The following FRMPD4 variants were observed in gnomAD, a reference collection of about 807,000 sequenced individuals.
FRMPD4 encodes FERM and PDZ domain containing 4, also known as FERM and PDZ domain-containing protein 4.
FRMPD4 carries 22 observed loss-of-function variants against 94.1 expected under a neutral mutation model. The observed-to-expected ratio is 0.23, with a 90% CI of 0.17 to 0.33. The LOEUF (loss-of-function observed/expected upper bound fraction) is 0.33, where lower values mean the gene tolerates loss of function less well. Ranked by LOEUF, FRMPD4 falls within the 10% of genes least tolerant of loss-of-function variation. The probability of loss-of-function intolerance (pLI) is 1.00; values close to 1 mark genes in which losing one functional copy is unlikely to be tolerated. For missense variants in FRMPD4, 1,111 were observed against 1,339.9 expected (o/e 0.83, Z 2.67); for synonymous variants, 631 against 548.6 (o/e 1.15, Z -2.10).
At chrX:12,361,708 C>T (rs2147992138) in intron 1 of FRMPD4, among the ~76,000 whole-genome samples, 1 of 111,885 alleles carries the variant, frequency 8.9e-6, no homozygotes, top group African/African-American at 3.2e-5. Flanking sequence ...TATATTAGGG[C>T]TTCTGTAACA....
chrX:12,551,081 G>A (rs925932069), intron 2 of FRMPD4, among the ~76,000 whole-genome samples: 8 of 110,360 alleles, frequency 7.2e-5, no homozygotes, highest in Admixed American at 4.9e-4. Context: ...TGTTGTCTTA[G>A]TTTATCATGT....
chrX:12,083,234 C>A (rs7877393), intron 3 of FRMPD4, among the ~76,000 whole-genome samples: 5,559 of 112,552 alleles, frequency 0.049, 350 homozygotes, highest in African/African-American at 0.17. Flanking sequence ...TGGTGCCCTG[C>A]GTCCCAGCCA....
At chrX:11,924,074 T>G (rs1432708460) in intron 3 of FRMPD4, among the ~76,000 whole-genome samples, 1 of 112,087 alleles carries the variant, frequency 8.9e-6, no homozygotes, top group South Asian at 3.7e-4. Flanking sequence ...ATAGCCAGTA[T>G]AGAGGAGAAT....
At chrX:12,654,693 G>A (rs2059635093) in intron 4 of FRMPD4, among the ~76,000 whole-genome samples, 1 of 111,398 alleles carries the variant, frequency 9.0e-6, no homozygotes, top group African/African-American at 3.3e-5. Context: ...GGTAAAATGA[G>A]GCTAAGAATC....
Position 12,473,022 on chromosome X carries a change from A to G in FRMPD4, c.42-25658A>G, listed in dbSNP as rs1256073479. Among the ~76,000 whole-genome samples the G allele has an allele frequency of 4.5e-5, 5 of 109,994 alleles. 1 individual carries two copies. Among genetic ancestry groups the G allele is most frequent in the African/African-American group, 1.7e-4 (5 of 29,111 alleles). ...AAGACACATAATTGTCAGATTCACC[A>G]AAGTTGAAATGAAGGAAAAAATGTT... On this transcript the variant is annotated intron_variant, in intron 1 of 16. Coordinates refer to ENST00000675598, the MANE Select transcript of FRMPD4 (RefSeq NM_001368397.1).
At chrX:12,662,311 C>A (rs1340114072) in intron 4 of FRMPD4, among the ~76,000 whole-genome samples, 2 of 110,567 alleles carry the variant, frequency 1.8e-5, no homozygotes, top group Non-Finnish European at 1.9e-5. Flanking sequence ...ATCAACCCAT[C>A]GCCTATATTA....
At chrX:11,978,321 C>CAAAAAAAAAAAAAAAAAAAAAA (rs1172824155) in intron 3 of FRMPD4, among the ~76,000 whole-genome samples, 2 of 16,355 alleles carry the variant, frequency 1.2e-4, no homozygotes, top group African/African-American at 4.5e-4. Context: ...AACTCCATCT[C>CAAAAAAAAAAAAAAAAAAAAAA]AAAAAAAAAA....
chrX:11,975,144 G>A (rs756913343), intron 3 of FRMPD4, among the ~76,000 whole-genome samples: 2 of 111,968 alleles, frequency 1.8e-5, no homozygotes, highest in Non-Finnish European at 3.8e-5. Context: ...ATGACCCTGA[G>A]CATAAATCAT....
At chrX:12,133,927 G>C (rs2055575648), upstream of FRMPD4, among the ~76,000 whole-genome samples, 1 of 112,200 alleles carries the variant, frequency 8.9e-6, no homozygotes, top group East Asian at 2.8e-4. Flanking sequence ...CTGGCCTACT[G>C]TGCCCCATGT....
At chrX:12,132,580 G>A (rs752681402) in intron 3 of FRMPD4, among the ~76,000 whole-genome samples, 5 of 111,943 alleles carry the variant, frequency 4.5e-5, no homozygotes, top group East Asian at 5.6e-4. Flanking sequence ...AACGATTCAA[G>A]GTTGGCAAGA....
chrX:12,360,484 G>A (rs2055968604), intron 1 of FRMPD4, among the ~76,000 whole-genome samples: 1 of 110,955 alleles, frequency 9.0e-6, no homozygotes, highest in Non-Finnish European at 1.9e-5. Context: ...AACATGTAGG[G>A]GGAAAAAAGA....
rs373581040 is a variant in FRMPD4 at position 12,522,594 on chromosome X, C to CTTT, written c.158+23817_158+23819dup. On this transcript the variant is annotated intron_variant, in intron 2 of 16. Coordinates refer to ENST00000675598, the MANE Select transcript of FRMPD4 (RefSeq NM_001368397.1). The stretch of plus-strand genomic sequence containing the variant: ...TTTAATGGCAATTGATTTTCTTTTC[C>CTTT]TTTTTTTTTTTTTTTTTTTTTCTTT... Among the ~76,000 whole-genome samples, 134 of 74,523 alleles carry CTTT rather than the reference C, an allele frequency of 1.8e-3. 1 individual carries two copies. Among genetic ancestry groups the CTTT allele is most frequent in the Middle Eastern group, 7.2e-3 (1 of 138 alleles). 64.7% of individuals were successfully genotyped at this position (74,523 alleles called of 115,157 possible).
intron 1 of FRMPD4, among the ~76,000 whole-genome samples, chrX:12,331,414 A>G (rs1219234414): frequency 9.6e-6 from 1 of 104,295 alleles, no homozygotes; most frequent in Non-Finnish European, 1.9e-5. Flanking sequence ...AAAGCTGGTA[A>G]GCCTCTCAAA....
chrX:12,080,332 C>T (rs141760139), intron 3 of FRMPD4, among the ~76,000 whole-genome samples: 165 of 112,406 alleles, frequency 1.5e-3, no homozygotes, highest in Non-Finnish European at 2.5e-3. Flanking sequence ...CTGGTTTGGA[C>T]GATAACATAT....
intron 3 of FRMPD4, among the ~76,000 whole-genome samples, chrX:11,923,693 A>G (rs1275693897): frequency 8.9e-6 from 1 of 112,459 alleles, no homozygotes; most frequent in African/African-American, 3.2e-5. Flanking sequence ...TCTCCCAGAA[A>G]CAAAGCCAGT....
rs112994907 is a variant in FRMPD4, at chrX:12,505,752, G to C, written c.158+6956G>C. 4.8e-3 allele frequency among the ~76,000 whole-genome samples: 430 copies of C among 89,178 alleles called. 2 individuals are homozygous for C. The highest frequency in any genetic ancestry group is 1.0e-2 in the African/African-American group (256 of 25,653). The allele number at this position is 89,178 out of a possible 115,157, so 77.4% of individuals were successfully genotyped here. A position where few individuals can be genotyped will look rare whatever the true frequency, so the allele number is the denominator to read the frequency against. Reference sequence around the variant, plus strand: ...GAAAAAAAAAAAAAAAAAAAAAAGGGGGGGAGAGCAACTGAGACGGGAGGG... The same window carrying C: ...GAAAAAAAAAAAAAAAAAAAAAAGGCGGGGAGAGCAACTGAGACGGGAGGG... On this transcript the variant is annotated intron_variant, in intron 2 of 16. Transcript: ENST00000675598.
At chrX:12,567,306 G>C (rs1226943105) in intron 2 of FRMPD4, among the ~76,000 whole-genome samples, 2 of 112,108 alleles carry the variant, frequency 1.8e-5, no homozygotes, top group Admixed American at 9.5e-5. Context: ...TTGGATTTAA[G>C]ATAAGAGTTT....
intron 2 of FRMPD4, among the ~76,000 whole-genome samples, chrX:12,574,153 G>A (rs1602150768): frequency 2.7e-5 from 3 of 110,837 alleles, no homozygotes; most frequent in African/African-American, 9.9e-5. Context: ...GGCATGTGCC[G>A]CCATACCCAG....
chrX:12,642,189 G>A lies in FRMPD4; in HGVS notation c.422+27308G>A, dbSNP rs189076812. ...TGGACCTGGTCCCTTCCCTCCTTGA[G>A]CACACAGCCTAGTGAGCAAGAGGTG... On this transcript the variant is annotated intron_variant, in intron 4 of 16. Transcript: ENST00000675598. Among the ~76,000 whole-genome samples, 85 of 111,651 alleles carry A rather than the reference G, an allele frequency of 7.6e-4. No homozygotes were observed. The East Asian group carries it at 0.013, about 18-fold the overall frequency.
Sources: allele counts gnomAD v4.1 joint callset (sites outside exome capture counted in the v4.1 genomes callset), GRCh38; gene constraint gnomAD v4.1.1; transcripts MANE v1.5; gene names NCBI Gene and HGNC (gene_info 2026-07-23, HGNC 2026-07-21).